Variants in PEAR1 observed in about 807,000 individuals in gnomAD.
PEAR1 encodes multiple EGF-like domains protein 12.
Under a neutral mutation model 131.2 loss-of-function variants are expected in PEAR1, and 113 were observed. The observed-to-expected ratio is 0.86, with a 90% CI of 0.74 to 1.01. PEAR1 has a LOEUF of 1.01. PEAR1 is among the 50% of genes least tolerant of loss of function. The pLI, the probability that PEAR1 is intolerant of heterozygous loss-of-function variation, is 0.00. For missense variants in PEAR1, 1,408 were observed against 1,391.1 expected, an observed-to-expected ratio of 1.01 and a Z score of -0.19; for synonymous variants, 565 against 523.3, an observed-to-expected ratio of 1.08 and a Z score of -1.09.
Position 156,893,782 on chromosome 1 carries a change from C to T in PEAR1, c.-65C>T, listed in dbSNP as rs1050577116. On this transcript the variant is annotated 5_prime_UTR_variant, in exon 1 of 23. Transcript: ENST00000292357. Reference sequence around the variant, plus strand: ...TCCTCGGCTGTCCAGTCCTCCTCCTCGCAGACCCCGGCGGTTCCTACCCCA... The same window carrying T: ...TCCTCGGCTGTCCAGTCCTCCTCCTTGCAGACCCCGGCGGTTCCTACCCCA... The T allele has an allele frequency of 6.6e-6, 1 of 152,216 alleles. No homozygotes were observed. The highest frequency in any genetic ancestry group is 2.4e-5 in the African/African-American group (1 of 41,408). The allele number at this position is 152,216 out of a possible 1,614,324, so 9.4% of individuals were successfully genotyped here. A position where few individuals can be genotyped will look rare whatever the true frequency, so the allele number is the denominator to read the frequency against.
intron 15 of PEAR1, 112 bp downstream of exon 15, chr1:156,910,855 AG>A: frequency 1.4e-6 from 2 of 1,465,130 alleles, no homozygotes; most frequent in African/African-American, 2.8e-5. Flanking sequence ...GCCCACCTTG[AG>A]TAAATATTTA....
rs770856387 is a variant in PEAR1, at chr1:156,910,005, G to A, written c.1576-1G>A. Reference sequence around the variant, plus strand: ...TACCTGCTCCCCACTCCTTCTCCAAGAAGGGGCAGTTTGGAGAAGGTTGTG... The same window carrying A: ...TACCTGCTCCCCACTCCTTCTCCAAAAAGGGGCAGTTTGGAGAAGGTTGTG... On this transcript the variant is annotated splice_acceptor_variant, in intron 12 of 22. Coordinates refer to ENST00000292357, the MANE Select transcript of PEAR1 (RefSeq NM_001080471.3). LOFTEE classifies it high-confidence loss of function. 1 of 1,613,518 alleles carries A rather than the reference G, an allele frequency of 6.2e-7. No homozygotes were observed. The highest frequency in any genetic ancestry group is 1.7e-5 in the Admixed American group (1 of 60,028).
intron 1 of PEAR1, among the ~76,000 whole-genome samples, chr1:156,900,306 G>A (rs1649553698): frequency 6.6e-6 from 1 of 151,690 alleles, no homozygotes; most frequent in Non-Finnish European, 1.5e-5. Context: ...ATGTTCTTGT[G>A]GCAGCCCCCA....
intron 1 of PEAR1, among the ~76,000 whole-genome samples, chr1:156,895,816 C>T (rs1300161369): frequency 6.6e-6 from 1 of 152,246 alleles, no homozygotes; most frequent in Non-Finnish European, 1.5e-5. Context: ...CGAGGTGGCT[C>T]ACGCCGGTAA....
rs200697666 is a variant in PEAR1 at position 156,909,960 on chromosome 1, C to T, written c.1575+46C>T. The T allele has an allele frequency of 6.5e-5, 104 of 1,611,830 alleles. 1 individual carries two copies. The South Asian group carries it at 9.2e-4, about 14-fold the overall frequency. On this transcript the variant is annotated intron_variant, in intron 12 of 22. Coordinates refer to ENST00000292357, the MANE Select transcript of PEAR1 (RefSeq NM_001080471.3). ...CTGCCTGGGGGTGGGGAGGGCATGG[C>T]GTCCCCCAGCTGACTGGCCTACCTG...
chr1:156,914,232 G>A, intron 22 of PEAR1, 132 bp downstream of exon 22: 3 of 1,391,394 alleles, frequency 2.2e-6, no homozygotes, highest in Non-Finnish European at 2.9e-6. Flanking sequence ...TCAGCTTCGG[G>A]CTCAAATCAG....
At position 156,909,742 on chromosome 1, in the gene PEAR1, C is replaced by A; in HGVS notation, c.1412-9C>A. On this transcript the variant is annotated splice_polypyrimidine_tract_variant and intron_variant, in intron 11 of 22. Coordinates refer to ENST00000292357, the MANE Select transcript of PEAR1 (RefSeq NM_001080471.3). ...GTCCCCATACCTACCTACCAGGCCC[C>A]TCCTCCAGGTTGGCAGCGTGGTAAC... 6.3e-7 allele frequency: 1 copy of A among 1,592,034 alleles called. No homozygotes were observed. The highest frequency in any genetic ancestry group is 8.6e-7 in the Non-Finnish European group (1 of 1,165,658).
rs1651402523 is a variant in PEAR1, at chr1:156,912,930, G to C, written c.2370G>C (p.Leu790=). ...HWQKGKEHHH[L]AVAYSSGRLD... ...AAAAAGGCAAGGAGCACCACCACCTGGCTGTGGCTTACAGCAGCGGGCGCC... is the reference window on the plus strand; with the variant it reads ...AAAAAGGCAAGGAGCACCACCACCTCGCTGTGGCTTACAGCAGCGGGCGCC... The change falls in exon 18 of 23, where the codon CTG becomes CTC. Residue 790 remains leucine (L), a synonymous_variant. Coordinates refer to ENST00000292357, the MANE Select transcript of PEAR1 (RefSeq NM_001080471.3). 6.2e-7 allele frequency: 1 copy of C among 1,614,108 alleles called. No individual in the cohort carries two copies. The highest frequency in any genetic ancestry group is 1.3e-5 in the African/African-American group (1 of 74,938).
intron 11 of PEAR1, 84 bp from the exon 12 acceptor site, chr1:156,909,667 A>G (rs1375672204): frequency 1.4e-6 from 2 of 1,475,458 alleles, no homozygotes; most frequent in African/African-American, 2.8e-5. Flanking sequence ...CATAGCATAG[A>G]ATCTGGCCCA....
chr1:156,913,140 T>C (rs562033252), intron 18 of PEAR1, 54 bp from the exon 19 acceptor site: 3 of 1,584,874 alleles, frequency 1.9e-6, no homozygotes, highest in Admixed American at 1.7e-5. Flanking sequence ...AAAACAGCTC[T>C]CTTGGACTCC....
chr1:156,912,893 A>C lies in PEAR1; in HGVS notation c.2333A>C (p.Tyr778Ser), dbSNP rs200208483. Residue 778 changes from tyrosine to serine, a missense_variant, in exon 18 of 23, where the codon TAT (tyrosine) becomes TCT (serine). Tyr to Ser is a moderately radical substitution (Grantham distance 144). Transcript: ENST00000292357. ...VVALVALFIG[Y>S]RHWQKGKEHH... Reference sequence around the variant, plus strand: ...GCCCTGGTGGCACTGTTCATTGGCTATCGGCACTGGCAAAAAGGCAAGGAG... The same window carrying C: ...GCCCTGGTGGCACTGTTCATTGGCTCTCGGCACTGGCAAAAAGGCAAGGAG... 322 of 1,614,192 alleles carry C rather than the reference A, an allele frequency of 2.0e-4. 4 individuals are homozygous for C. The South Asian group carries it at 3.1e-3, about 16-fold the overall frequency.
rs1413453339 is a variant in PEAR1 at position 156,915,252 on chromosome 1, C to T, written c.*454C>T. ...ATTAACTCTAGCAATAGCCTCCTAACTGGCCTCCTCCATTGATTCAGTGAA... is the reference window on the plus strand; with the variant it reads ...ATTAACTCTAGCAATAGCCTCCTAATTGGCCTCCTCCATTGATTCAGTGAA... On this transcript the variant is annotated 3_prime_UTR_variant, in exon 23 of 23. Coordinates refer to ENST00000292357, the MANE Select transcript of PEAR1 (RefSeq NM_001080471.3). 2 of 154,710 alleles carry T rather than the reference C, an allele frequency of 1.3e-5. No individual in the cohort carries two copies. The highest frequency in any genetic ancestry group is 4.8e-5 in the African/African-American group (2 of 41,562). The allele number at this position is 154,710 out of a possible 1,614,324, so 9.6% of individuals were successfully genotyped here. A position where few individuals can be genotyped will look rare whatever the true frequency, so the allele number is the denominator to read the frequency against.
chr1:156,910,233 G>A lies in PEAR1; in HGVS notation c.1679-1G>A. 1 of 1,610,224 alleles carries A rather than the reference G, an allele frequency of 6.2e-7. No individual in the cohort carries two copies. The highest frequency in any genetic ancestry group is 1.1e-5 in the South Asian group (1 of 90,686). ...GCACACCCGACTGCTGTCTCCCACA[G>A]GTGCCCGCTGCCACCTGTCCTGCCC... is the stretch of plus-strand genomic sequence containing the variant. On this transcript the variant is annotated splice_acceptor_variant, in intron 13 of 22. Transcript: ENST00000292357. LOFTEE classifies it high-confidence loss of function.
intron 3 of PEAR1, 162 bp downstream of exon 3, chr1:156,905,014 A>T (rs1406509260): frequency 6.5e-7 from 1 of 1,536,684 alleles, no homozygotes; most frequent in Admixed American, 2.0e-5. Flanking sequence ...TGTGTATGGG[A>T]TGTATATGTG....
Position 156,908,839 on chromosome 1 carries a change from G to A in PEAR1, c.1290+10G>A, listed in dbSNP as rs769748999. The stretch of plus-strand genomic sequence containing the variant: ...CGCGCCGGGTTACACGGTGAGGCGC[G>A]CCCGGCTGCAAGGAAGCGAGGCAGG... On this transcript the variant is annotated intron_variant, in intron 10 of 22. Coordinates refer to ENST00000292357, the MANE Select transcript of PEAR1 (RefSeq NM_001080471.3). This position sits in a 1 kb window ranked among gnomAD's most constrained non-coding sequence, Gnocchi z 4.2. 1.3e-6 allele frequency: 2 copies of A among 1,574,292 alleles called. No individual in the cohort carries two copies. Among genetic ancestry groups the A allele is most frequent in the East Asian group, 2.4e-5 (1 of 41,982 alleles).
In PEAR1 at chr1:156,913,425, C is replaced by T. The variant is rs1651494643; in HGVS notation, c.2546C>T (p.Pro849Leu). Residue 849 changes from proline to leucine, a missense_variant, in exon 20 of 23, where the codon CCT (proline) becomes CTT (leucine). Pro to Leu is a moderately conservative substitution (Grantham distance 98). Transcript: ENST00000292357. ...PGPLFASLQNPERPGGAQGHD... is the reference protein window; with the variant it reads ...PGPLFASLQNLERPGGAQGHD... ...CCGCTCTTTGCCAGCCTGCAGAACC[C>T]TGAGCGGCCAGGTGGGGCCCAAGGG... 1.9e-6 allele frequency: 3 copies of T among 1,613,978 alleles called. No homozygotes were observed. Among genetic ancestry groups the T allele is most frequent in the Non-Finnish European group, 1.7e-6 (2 of 1,180,030 alleles).
At chr1:156,903,849 C>A in intron 1 of PEAR1, 69 bp from the exon 2 acceptor site, 1 of 1,300,298 alleles carries the variant, frequency 7.7e-7, no homozygotes, top group South Asian at 1.2e-5. Context: ...CGGCTCAGAT[C>A]TCTGCAGACA....
chr1:156,897,514 G>A (rs1649276921), intron 1 of PEAR1, among the ~76,000 whole-genome samples: 1 of 152,250 alleles, frequency 6.6e-6, no homozygotes, highest in African/African-American at 2.4e-5. Context: ...GTACACTGGT[G>A]CCAGGACTTT....
rs1650604949 is a variant in PEAR1, at chr1:156,908,275, C to A, written c.1050C>A (p.Cys350Ter). The A allele has an allele frequency of 1.9e-6, 3 of 1,586,970 alleles. No homozygotes were observed. The highest frequency in any genetic ancestry group is 2.3e-5 in the South Asian group (2 of 87,936). The change falls in exon 9 of 23, where the codon TGC becomes TGA. Residue 350 changes from cysteine (C) to a stop codon, truncating the protein, a stop_gained. Transcript: ENST00000292357. LOFTEE classifies it high-confidence loss of function. This position sits in a 1 kb window ranked among gnomAD's most constrained non-coding sequence, Gnocchi z 4.2. ...FTGDRCTDRL[C>*]PDGFYGLSCQ... The stretch of plus-strand genomic sequence containing the variant: ...GGGACCGCTGCACGGATCGCCTCTG[C>A]CCCGACGGCTTCTACGGTCTCAGCT...
Sources: gnomAD v4.1 joint callset for allele counts (sites outside exome capture counted in the v4.1 genomes callset) on GRCh38, gnomAD v4.1.1 for gene constraint, Gnocchi (gnomAD v3.1) non-coding constraint, MANE v1.5 for transcripts, NCBI Gene and HGNC (gene_info 2026-07-23, HGNC 2026-07-21) for gene names.